CTNNA3: variants seen among roughly 807,000 people sequenced by gnomAD.
The protein encoded by CTNNA3 is catenin alpha 3, also known as catenin alpha-3.
Under a neutral mutation model 95.7 loss-of-function variants are expected in CTNNA3, and 76 were observed. That is an observed-to-expected ratio of 0.79 (90% confidence interval 0.66 to 0.96). CTNNA3 has a LOEUF of 0.96. CTNNA3 is among the 40% of genes least tolerant of loss of function. The pLI, the probability that CTNNA3 is intolerant of heterozygous loss-of-function variation, is 0.00. For missense variants in CTNNA3, 1,191 were observed against 1,089.8 expected (o/e 1.09, Z -1.31); for synonymous variants, 431 against 374.4 (o/e 1.15, Z -1.74).
intron 13 of CTNNA3, among the ~76,000 whole-genome samples, chr10:66,272,206 T>G (rs931070585): frequency 4.5e-4 from 68 of 152,322 alleles, no homozygotes; most frequent in African/African-American, 1.6e-3. Flanking sequence ...CTTTACAAAC[T>G]GGTCCTGACA....
At chr10:67,419,720 T>C (rs768031878) in intron 5 of CTNNA3, among the ~76,000 whole-genome samples, 17 of 152,246 alleles carry the variant, frequency 1.1e-4, no homozygotes, top group Non-Finnish European at 2.5e-4. Context: ...GGAACATACA[T>C]GCCAATCTAG....
At chr10:67,265,305 G>C (rs1052840578) in intron 5 of CTNNA3, among the ~76,000 whole-genome samples, 14 of 152,104 alleles carry the variant, frequency 9.2e-5, no homozygotes, top group Non-Finnish European at 1.6e-4. Flanking sequence ...ATGATGACTT[G>C]ATTATACTTT....
At chr10:66,670,128 G>A (rs2132469139) in intron 9 of CTNNA3, among the ~76,000 whole-genome samples, 1 of 152,186 alleles carries the variant, frequency 6.6e-6, no homozygotes, top group African/African-American at 2.4e-5. Flanking sequence ...AACATATTAT[G>A]AGAGTAATAT....
chr10:66,346,147 T>C (rs2092508982), intron 12 of CTNNA3, among the ~76,000 whole-genome samples: 2 of 148,668 alleles, frequency 1.3e-5, no homozygotes, highest in Non-Finnish European at 3.0e-5. Flanking sequence ...AGAAAGAATG[T>C]GGAATACATC....
chr10:66,135,148 C>G (rs182621025), intron 13 of CTNNA3, among the ~76,000 whole-genome samples: 1 of 152,208 alleles, frequency 6.6e-6, no homozygotes, highest in Admixed American at 6.5e-5. Context: ...TATTTCTTAG[C>G]TAGTAACAGT....
intron 13 of CTNNA3, among the ~76,000 whole-genome samples, chr10:66,157,462 AGATAGACAGAT>A (rs1341234432): frequency 6.6e-6 from 1 of 151,176 alleles, no homozygotes; most frequent in Non-Finnish European, 1.5e-5. Context: ...ATAGATAGAT[AGATAGACAGAT>A]GATAGATAGA....
At chr10:67,079,383 T>C (rs991058710) in intron 7 of CTNNA3, among the ~76,000 whole-genome samples, 2 of 152,224 alleles carry the variant, frequency 1.3e-5, no homozygotes, top group African/African-American at 4.8e-5. Context: ...AGTTCCTAGA[T>C]ATAATATCTA....
chr10:66,093,609 T>C (rs751678970), intron 14 of CTNNA3, among the ~76,000 whole-genome samples: 3 of 152,008 alleles, frequency 2.0e-5, no homozygotes, highest in Non-Finnish European at 4.4e-5. Flanking sequence ...CTATATCCCT[T>C]ATATGGCCAG....
At chr10:66,807,816 A>G (rs1299662999) in intron 7 of CTNNA3, among the ~76,000 whole-genome samples, 1 of 152,154 alleles carries the variant, frequency 6.6e-6, no homozygotes, top group African/African-American at 2.4e-5. Flanking sequence ...GAGTTTTTAT[A>G]TCATCTGATA....
intron 7 of CTNNA3, among the ~76,000 whole-genome samples, chr10:66,912,607 T>A (rs1048444932): frequency 2.0e-5 from 3 of 151,414 alleles, no homozygotes; most frequent in Non-Finnish European, 4.4e-5. Flanking sequence ...CCAGGAAGAG[T>A]CATCCTATTT....
intron 7 of CTNNA3, among the ~76,000 whole-genome samples, chr10:66,911,520 T>G (rs947987966): frequency 6.6e-6 from 1 of 152,168 alleles, no homozygotes; most frequent in Non-Finnish European, 1.5e-5. Flanking sequence ...TCAACTACTG[T>G]TTTTCACATT....
At chr10:66,223,002 A>G (rs2089053575) in intron 13 of CTNNA3, among the ~76,000 whole-genome samples, 1 of 152,094 alleles carries the variant, frequency 6.6e-6, no homozygotes, top group Non-Finnish European at 1.5e-5. Flanking sequence ...ATACTTAGAT[A>G]TTTGGGTTTC....
At chr10:66,176,605 G>A (rs2085726351) in intron 13 of CTNNA3, among the ~76,000 whole-genome samples, 1 of 152,036 alleles carries the variant, frequency 6.6e-6, no homozygotes, top group Non-Finnish European at 1.5e-5. Flanking sequence ...CAAGATGACA[G>A]TATTAGAAGT....
Position 66,799,620 on chromosome 10 carries a change from C to T in CTNNA3, c.1048-24096G>A, listed in dbSNP as rs141981793. ...ACAAGCATTAGAGAAATGTGGGACA[C>T]GGTCAAAACATTTAACACAAGTTTA... On this transcript the variant is annotated intron_variant, in intron 7 of 17. Transcript: ENST00000433211. Among the ~76,000 whole-genome samples the T allele has an allele frequency of 4.2e-3, 638 of 151,372 alleles. 1 individual carries two copies. The highest frequency in any genetic ancestry group is 5.6e-3 in the Admixed American group (85 of 15,158).
At chr10:66,958,041 G>C (rs559669028) in intron 7 of CTNNA3, among the ~76,000 whole-genome samples, 2 of 152,134 alleles carry the variant, frequency 1.3e-5, no homozygotes, top group African/African-American at 4.8e-5. Context: ...GCCAAAAGCA[G>C]TTATTGAACA....
intron 8 of CTNNA3, among the ~76,000 whole-genome samples, chr10:66,767,596 C>A (rs892214624): frequency 5.3e-5 from 8 of 151,824 alleles, no homozygotes; most frequent in African/African-American, 1.9e-4. Flanking sequence ...AGCTGTCAGA[C>A]AGAAAAATGT....
chr10:66,264,908 G>A (rs2091109596), intron 13 of CTNNA3, among the ~76,000 whole-genome samples: 2 of 152,110 alleles, frequency 1.3e-5, no homozygotes, highest in African/African-American at 2.4e-5. Context: ...ATAATACTAA[G>A]AGCAAGCAAA....
intron 10 of CTNNA3, among the ~76,000 whole-genome samples, chr10:66,575,045 A>T (rs1279240581): frequency 1.3e-5 from 2 of 152,162 alleles, no homozygotes; most frequent in Non-Finnish European, 2.9e-5. Context: ...TTCTAGCTAT[A>T]TTATTTGAAA....
intron 12 of CTNNA3, 41 bp downstream of exon 12, chr10:66,379,111 A>G: frequency 2.0e-6 from 3 of 1,493,980 alleles, no homozygotes; most frequent in Non-Finnish European, 2.8e-6. Flanking sequence ...TGTAGATTCA[A>G]ATAAGAGAAA....
Sources: allele counts gnomAD v4.1 joint callset (sites outside exome capture counted in the v4.1 genomes callset), GRCh38; gene constraint gnomAD v4.1.1; transcripts MANE v1.5; gene names NCBI Gene and HGNC (gene_info 2026-07-23, HGNC 2026-07-21).